PHACTR1: variants seen among roughly 807,000 people sequenced by gnomAD.
PHACTR1 encodes the protein phosphatase and actin regulator 1.
Under a neutral mutation model 69.2 loss-of-function variants are expected in PHACTR1, and 16 were observed. That is an observed-to-expected ratio of 0.23 (90% CI 0.16 to 0.35). PHACTR1 has a LOEUF of 0.35. Ranked by LOEUF, PHACTR1 falls within the 10% of genes least tolerant of loss-of-function variation. The probability of loss-of-function intolerance (pLI) is 1.00; values close to 1 mark genes in which losing one functional copy is unlikely to be tolerated. For missense variants in PHACTR1, 510 were observed against 734.7 expected (o/e 0.69, Z 3.54); for synonymous variants, 312 against 284.5 (o/e 1.10, Z -0.97).
At chr6:12,861,364 C>G (rs1235416050) in intron 4 of PHACTR1, among the ~76,000 whole-genome samples, 2 of 152,174 alleles carry the variant, frequency 1.3e-5, no homozygotes, top group African/African-American at 2.4e-5. Context: ...TCCTGTTAAC[C>G]AAACAACAAA....
At chr6:12,795,390 A>AT (rs1331834856) in intron 4 of PHACTR1, among the ~76,000 whole-genome samples, 5 of 152,000 alleles carry the variant, frequency 3.3e-5, no homozygotes, top group Non-Finnish European at 5.9e-5. Flanking sequence ...CTTGCATTTC[A>AT]TTTTTTTTAA....
At chr6:12,891,588 C>T (rs1210016875) in intron 4 of PHACTR1, among the ~76,000 whole-genome samples, 2 of 152,178 alleles carry the variant, frequency 1.3e-5, no homozygotes, top group Non-Finnish European at 2.9e-5. Flanking sequence ...CACTTATGCT[C>T]CTGTCAAAAA....
At chr6:12,764,611 T>C (rs1768392664) in intron 4 of PHACTR1, among the ~76,000 whole-genome samples, 1 of 152,214 alleles carries the variant, frequency 6.6e-6, no homozygotes, top group African/African-American at 2.4e-5. Context: ...AGGCTTAGGT[T>C]CTCATAACTT....
chr6:13,027,800 C>T (rs937831956), intron 4 of PHACTR1, among the ~76,000 whole-genome samples: 1 of 152,152 alleles, frequency 6.6e-6, no homozygotes, highest in Admixed American at 6.5e-5. Context: ...CTCAGTCTCC[C>T]AAGCACCTGG....
chr6:12,894,604 G>GA (rs1232108901), intron 4 of PHACTR1, among the ~76,000 whole-genome samples: 1 of 152,078 alleles, frequency 6.6e-6, no homozygotes, highest in Non-Finnish European at 1.5e-5. Flanking sequence ...GACTCCTTCT[G>GA]AAAAAAGAAA....
At chr6:12,752,830 G>A (rs114989479) in intron 4 of PHACTR1, among the ~76,000 whole-genome samples, 1 of 152,192 alleles carries the variant, frequency 6.6e-6, no homozygotes, top group Non-Finnish European at 1.5e-5. Flanking sequence ...CAAAATGTGG[G>A]TCTTTCATCA....
At chr6:13,138,784 C>T (rs1386742539) in intron 5 of PHACTR1, among the ~76,000 whole-genome samples, 3 of 152,186 alleles carry the variant, frequency 2.0e-5, no homozygotes, top group Middle Eastern at 3.2e-3. Context: ...GACCTTGGAG[C>T]CTTCGATTGT....
At chr6:12,995,198 C>G (rs1365341719) in intron 4 of PHACTR1, among the ~76,000 whole-genome samples, 2 of 150,402 alleles carry the variant, frequency 1.3e-5, no homozygotes, top group Non-Finnish European at 3.0e-5. Flanking sequence ...TCAGGATATA[C>G]TGGCCAGAAA....
intron 7 of PHACTR1, among the ~76,000 whole-genome samples, chr6:13,190,023 C>CCT (rs377001566): frequency 5.7e-5 from 7 of 123,842 alleles, no homozygotes; most frequent in African/African-American, 2.3e-4. Context: ...ATCTCTTCTG[C>CCT]TTTTTTTTTT....
At chr6:13,140,421 G>A (rs2113331281) in intron 5 of PHACTR1, among the ~76,000 whole-genome samples, 1 of 152,154 alleles carries the variant, frequency 6.6e-6, no homozygotes, top group Non-Finnish European at 1.5e-5. Flanking sequence ...TTAAAAAGTG[G>A]CCTATATATA....
chr6:13,186,450 G>A (rs1318984000), intron 7 of PHACTR1, among the ~76,000 whole-genome samples: 2 of 152,096 alleles, frequency 1.3e-5, no homozygotes, highest in East Asian at 1.9e-4. Flanking sequence ...TTGCTAAATC[G>A]CAACAGCAAA....
At chr6:12,810,959 A>G (rs1774947535) in intron 4 of PHACTR1, among the ~76,000 whole-genome samples, 1 of 152,170 alleles carries the variant, frequency 6.6e-6, no homozygotes, top group African/African-American at 2.4e-5. Flanking sequence ...CCGTTTCTTC[A>G]TTGACGCGCT....
intron 4 of PHACTR1, among the ~76,000 whole-genome samples, chr6:12,751,066 G>A (rs1272868142): frequency 6.6e-6 from 1 of 152,218 alleles, no homozygotes; most frequent in African/African-American, 2.4e-5. Flanking sequence ...TTTATGCCCT[G>A]TTGAGAAGTT....
At chr6:13,082,635 C>T (rs1811579483) in intron 5 of PHACTR1, among the ~76,000 whole-genome samples, 1 of 152,136 alleles carries the variant, frequency 6.6e-6, no homozygotes, top group Non-Finnish European at 1.5e-5. Context: ...TTAATGATCG[C>T]CATTCTAACT....
intron 4 of PHACTR1, among the ~76,000 whole-genome samples, chr6:12,981,020 A>G (rs1004712588): frequency 3.3e-5 from 5 of 152,220 alleles, no homozygotes; most frequent in Non-Finnish European, 5.9e-5. Flanking sequence ...TTCCCTCAGG[A>G]TAACTGGTGG....
At position 13,059,141 on chromosome 6, in the gene PHACTR1, C is replaced by T. The variant is rs568222606; in HGVS notation, c.415+5612C>T. 2.6e-5 allele frequency among the ~76,000 whole-genome samples: 4 copies of T among 152,096 alleles called. 1 individual carries two copies. In the East Asian group the frequency reaches 7.7e-4, roughly 29 times the overall value. ...ACATTTGGGGGCAATATTATTTAGT[C>T]TTAAAAAAGAAGGAAATCCTACCAT... On this transcript the variant is annotated intron_variant, in intron 5 of 14. Transcript: ENST00000332995.
At chr6:13,168,241 G>T (rs1760103568) in intron 6 of PHACTR1, among the ~76,000 whole-genome samples, 1 of 152,146 alleles carries the variant, frequency 6.6e-6, no homozygotes, top group Admixed American at 6.5e-5. Flanking sequence ...GGTTTACTTG[G>T]ACTTGCTTTT....
intron 10 of PHACTR1, among the ~76,000 whole-genome samples, chr6:13,271,310 C>T (rs1026611311): frequency 6.6e-6 from 1 of 152,188 alleles, no homozygotes; most frequent in African/African-American, 2.4e-5. Flanking sequence ...AGGCCTCCCC[C>T]CGAGCAATGG....
intron 5 of PHACTR1, among the ~76,000 whole-genome samples, chr6:13,066,157 G>T (rs534304392): frequency 6.6e-6 from 1 of 152,090 alleles, no homozygotes; most frequent in Non-Finnish European, 1.5e-5. Flanking sequence ...AGATGTAATT[G>T]TTTCTTCTCA....
Sources: allele counts gnomAD v4.1 joint callset (sites outside exome capture counted in the v4.1 genomes callset), GRCh38; gene constraint gnomAD v4.1.1; transcripts MANE v1.5; gene names NCBI Gene and HGNC (gene_info 2026-07-23, HGNC 2026-07-21).